The following CPVL variants were observed in gnomAD, a reference collection of about 807,000 sequenced individuals.
CPVL encodes carboxypeptidase vitellogenic like.
CPVL carries 51 observed loss-of-function variants against 63.7 expected under a neutral mutation model. The ratio of observed to expected loss-of-function variants is 0.80; its 90% confidence interval spans 0.64 to 1.01. The LOEUF (loss-of-function observed/expected upper bound fraction) is 1.01, where lower values mean the gene tolerates loss of function less well. Among genes scored for constraint, CPVL ranks in the 50% least tolerant of loss-of-function variants. The pLI is 0.00. For missense variants in CPVL, 530 were observed against 573.1 expected (o/e 0.92, Z 0.77); for synonymous variants, 195 against 206.0 (o/e 0.95, Z 0.46).
chr7:29,000,466 T>C (rs1220172930), intron 12 of CPVL, among the ~76,000 whole-genome samples: 2 of 150,262 alleles, frequency 1.3e-5, no homozygotes, highest in African/African-American at 5.0e-5. Context: ...GGCATGAAAC[T>C]GTGGGCACGT....
chr7:29,164,527 A>G (rs899275937), intron 5 of CPVL, among the ~76,000 whole-genome samples: 2 of 152,014 alleles, frequency 1.3e-5, no homozygotes, highest in Non-Finnish European at 1.5e-5. Context: ...GCTAACACCT[A>G]TAATTCCAGC....
intron 1 of CPVL, chr7:29,191,854 C>T (rs898074970): frequency 3.9e-5 from 6 of 152,092 alleles, no homozygotes; most frequent in Non-Finnish European, 8.8e-5. Flanking sequence ...CAAACAGGTC[C>T]CTGAGCCTAC....
intron 11 of CPVL, among the ~76,000 whole-genome samples, chr7:29,051,611 G>A (rs1790170462): frequency 6.6e-6 from 1 of 152,124 alleles, no homozygotes; most frequent in Non-Finnish European, 1.5e-5. Flanking sequence ...TGTTAGCGTG[G>A]ATGCAGTGAT....
intron 11 of CPVL, among the ~76,000 whole-genome samples, chr7:29,056,217 A>G (rs1052266656): frequency 1.3e-5 from 2 of 152,184 alleles, no homozygotes; most frequent in Non-Finnish European, 2.9e-5. Context: ...TCCACAGTTC[A>G]CATTAGAACT....
intron 11 of CPVL, among the ~76,000 whole-genome samples, chr7:29,040,370 A>G (rs577799542): frequency 5.9e-5 from 9 of 152,244 alleles, no homozygotes; most frequent in African/African-American, 9.6e-5. Context: ...GCTGAGGAGT[A>G]TAACATTTAA....
intron 5 of CPVL, among the ~76,000 whole-genome samples, chr7:29,166,205 T>C (rs758570564): frequency 7.2e-5 from 11 of 152,002 alleles, no homozygotes; most frequent in Non-Finnish European, 1.2e-4. Context: ...TTTTTTTTGT[T>C]TTTGTTTTTG....
intron 5 of CPVL, among the ~76,000 whole-genome samples, chr7:29,173,067 G>A (rs188539005): frequency 6.8e-4 from 103 of 150,908 alleles, no homozygotes; most frequent in African/African-American, 2.3e-3. Flanking sequence ...GGAGGCAGAG[G>A]TTGCAGTGAG....
intron 12 of CPVL, among the ~76,000 whole-genome samples, chr7:29,000,297 G>A (rs536590020): frequency 4.9e-5 from 7 of 141,522 alleles, no homozygotes; most frequent in Non-Finnish European, 1.1e-4. Context: ...GCTTGTTGAT[G>A]TAGATGTGTC....
At chr7:29,120,828 A>T in intron 2 of CPVL, 65 bp downstream of exon 2, 1 of 1,301,960 alleles carries the variant, frequency 7.7e-7, no homozygotes, top group Non-Finnish European at 1.0e-6. Flanking sequence ...CAAAAAAAAA[A>T]AAAAAAAAAA....
intron 12 of CPVL, chr7:28,996,087 TAG>T: frequency 2.1e-6 from 1 of 481,482 alleles, no homozygotes; most frequent in Non-Finnish European, 3.6e-6. Context: ...TTTTAAAGCT[TAG>T]TTAATTTTAC....
intron 1 of CPVL, among the ~76,000 whole-genome samples, chr7:29,142,535 T>TTTC (rs976419473): frequency 1.3e-5 from 2 of 149,998 alleles, no homozygotes; most frequent in Non-Finnish European, 3.0e-5. Context: ...ATACTTTTTT[T>TTTC]TTTTTTTTTG....
At chr7:29,046,151 C>T (rs530685377) in intron 11 of CPVL, among the ~76,000 whole-genome samples, 4 of 144,514 alleles carry the variant, frequency 2.8e-5, no homozygotes, top group Non-Finnish European at 4.5e-5. Context: ...GTGGCGTGAT[C>T]GCGGCTCACT....
At chr7:29,028,846 T>C (rs1787743482) in intron 12 of CPVL, among the ~76,000 whole-genome samples, 1 of 151,428 alleles carries the variant, frequency 6.6e-6, no homozygotes, top group South Asian at 2.1e-4. Flanking sequence ...GCGCCTGTAG[T>C]CCCAGCTACT....
At chr7:29,171,128 A>T (rs1163069620) in intron 5 of CPVL, among the ~76,000 whole-genome samples, 1 of 152,142 alleles carries the variant, frequency 6.6e-6, no homozygotes, top group Non-Finnish European at 1.5e-5. Context: ...GACATAATGA[A>T]CTGCCGGTTT....
intron 3 of CPVL, among the ~76,000 whole-genome samples, chr7:29,185,206 G>C (rs540025246): frequency 4.6e-4 from 70 of 152,252 alleles, no homozygotes; most frequent in Non-Finnish European, 7.5e-4. Flanking sequence ...AGAAATGATA[G>C]AGTAGATTTG....
chr7:29,115,445 A>G (rs1048372186), intron 2 of CPVL, among the ~76,000 whole-genome samples: 15 of 152,130 alleles, frequency 9.9e-5, no homozygotes, highest in Admixed American at 6.5e-4. Flanking sequence ...GTTTGGGGAA[A>G]GTGGTTTTTG....
intron 1 of CPVL, among the ~76,000 whole-genome samples, chr7:29,141,788 G>A (rs760148456): frequency 6.6e-6 from 1 of 151,740 alleles, no homozygotes; most frequent in Non-Finnish European, 1.5e-5. Flanking sequence ...GGGGGTACAC[G>A]CCTGTAGTCC....
At chr7:29,130,511 C>T (rs1237781493) in intron 1 of CPVL, among the ~76,000 whole-genome samples, 1 of 152,140 alleles carries the variant, frequency 6.6e-6, no homozygotes, top group Non-Finnish European at 1.5e-5. Context: ...CATCTCATAG[C>T]CGTTCACTAA....
intron 5 of CPVL, among the ~76,000 whole-genome samples, chr7:29,173,500 C>A (rs1796878779): frequency 6.6e-6 from 1 of 152,062 alleles, no homozygotes; most frequent in African/African-American, 2.4e-5. Flanking sequence ...AATATTATAA[C>A]TTTCTTTCCT....
Sources: allele counts gnomAD v4.1 joint callset (sites outside exome capture counted in the v4.1 genomes callset), GRCh38; gene constraint gnomAD v4.1.1; transcripts MANE v1.5; gene names NCBI Gene and HGNC (gene_info 2026-07-23, HGNC 2026-07-21).